TMEM176A: variants seen among roughly 807,000 people sequenced by gnomAD.
TMEM176A encodes transmembrane protein 176A.
A neutral mutation model predicts 27.9 loss-of-function variants in TMEM176A; 20 were observed. The observed-to-expected ratio is 0.72, with a 90% CI of 0.50 to 1.04. TMEM176A has a LOEUF of 1.04. TMEM176A is among the 50% of genes least tolerant of loss of function. The probability of loss-of-function intolerance (pLI) is 0.00; values close to 1 mark genes in which losing one functional copy is unlikely to be tolerated. For missense variants in TMEM176A, 252 were observed against 289.1 expected, an observed-to-expected ratio of 0.87 and a Z score of 0.93; for synonymous variants, 125 against 118.0, an observed-to-expected ratio of 1.06 and a Z score of -0.38.
At chr7:150,801,257 G>A (rs955366226) in intron 1 of TMEM176A, 4 of 302,586 alleles carry the variant, frequency 1.3e-5, no homozygotes, top group Non-Finnish European at 2.4e-5. Context: ...GCTTGACCCA[G>A]ACGCCAGGGC....
intron 5 of TMEM176A, among the ~76,000 whole-genome samples, 168 bp from the exon 6 acceptor site, chr7:150,804,194 G>A (rs940652530): frequency 1.3e-5 from 2 of 152,212 alleles, no homozygotes; most frequent in African/African-American, 4.8e-5. Flanking sequence ...CCCAATGTGA[G>A]CAGTTTCCAG....
chr7:150,802,383 T>C, intron 3 of TMEM176A, 58 bp downstream of exon 3: 3 of 1,449,796 alleles, frequency 2.1e-6, no homozygotes, highest in East Asian at 2.3e-5. Flanking sequence ...ATTGCTCTCC[T>C]GATTGCCTTC....
chr7:150,801,779 C>T (rs375541671), intron 2 of TMEM176A, 55 bp downstream of exon 2: 14 of 1,419,704 alleles, frequency 9.9e-6, no homozygotes, highest in South Asian at 4.4e-5. Flanking sequence ...CACCTCCAGC[C>T]GCAGCAGCAC....
At position 150,804,987 on chromosome 7, in the gene TMEM176A, G is replaced by C. The variant is rs1044616; in HGVS notation, c.*119G>C. The C allele has an allele frequency of 0.091, 99,466 of 1,097,442 alleles. 5,513 individuals are homozygous for C. The highest frequency in any genetic ancestry group is 0.13 in the Middle Eastern group (475 of 3,580). The allele number at this position is 1,097,442 out of a possible 1,614,324, so 68.0% of individuals were successfully genotyped here. ...CTCTTCAACAGCCCCAGTTATCCTG[G>C]CCCCATGACCGTGGCCACAGCCCTG... is the stretch of plus-strand genomic sequence containing the variant. On this transcript the variant is annotated 3_prime_UTR_variant, in exon 7 of 7. Coordinates refer to ENST00000004103, the MANE Select transcript of TMEM176A (RefSeq NM_018487.3).
chr7:150,801,111 C>A, intron 1 of TMEM176A: 1 of 472,696 alleles, frequency 2.1e-6, no homozygotes, highest in Non-Finnish European at 2.8e-6. Flanking sequence ...CGGAGCGCAG[C>A]CGGGGCGCAG....
chr7:150,803,000 G>C, intron 3 of TMEM176A: 1 of 993,572 alleles, frequency 1.0e-6, no homozygotes. Context: ...GCACTGTTAG[G>C]ACAGGCTTCT....
intron 3 of TMEM176A, chr7:150,802,928 C>T: frequency 1.0e-6 from 1 of 989,160 alleles, no homozygotes; most frequent in Non-Finnish European, 1.2e-6. Flanking sequence ...GATTCAGGTC[C>T]ACCTGTCCAC....
chr7:150,800,943 AG>A, intron 1 of TMEM176A, 115 bp downstream of exon 1: 3 of 985,814 alleles, frequency 3.0e-6, no homozygotes, highest in Non-Finnish European at 3.6e-6. Flanking sequence ...ATGACACTCC[AG>A]GAAGGGGACT....
At chr7:150,801,361 A>AGC in intron 1 of TMEM176A, 175 bp from the exon 2 acceptor site, 1 of 574,908 alleles carries the variant, frequency 1.7e-6, no homozygotes. Flanking sequence ...CATGGTCAGC[A>AGC]CCCCCTCTGC....
rs1162854829 is a variant in TMEM176A, at chr7:150,801,744, TC to T, written c.174+21del. On this transcript the variant is annotated intron_variant, in intron 2 of 6. Transcript: ENST00000004103. ...TCGTGGGTGAGTGTGACGGCCTGCC[TC>T]GTCGGGCGGCGGGAGGAACTCCCCA... is the stretch of plus-strand genomic sequence containing the variant. The T allele has an allele frequency of 6.7e-7, 1 of 1,484,582 alleles. No individual in the cohort carries two copies. The highest frequency in any genetic ancestry group is 8.9e-7 in the Non-Finnish European group (1 of 1,127,554). The allele number at this position is 1,484,582 out of a possible 1,614,324, so 92.0% of individuals were successfully genotyped here.
At chr7:150,801,416 C>A in intron 1 of TMEM176A, 120 bp from the exon 2 acceptor site, 2 of 998,362 alleles carry the variant, frequency 2.0e-6, no homozygotes, top group Non-Finnish European at 3.0e-6. Flanking sequence ...GGCCCTGTGA[C>A]CAGGACAGCC....
intron 2 of TMEM176A, 79 bp downstream of exon 2, chr7:150,801,803 C>G: frequency 7.5e-7 from 1 of 1,332,688 alleles, no homozygotes; most frequent in East Asian, 2.5e-5. Context: ...CTGCCAGCCT[C>G]CCTCTGAACA....
Position 150,801,579 on chromosome 7 carries a change from C to T in TMEM176A, c.29C>T (p.Ala10Val). The T allele has an allele frequency of 6.2e-7, 1 of 1,609,242 alleles. No homozygotes were observed. The highest frequency in any genetic ancestry group is 1.1e-5 in the South Asian group (1 of 90,418). Residue 10 changes from alanine (A) to valine (V), a missense_variant, in exon 2 of 7, where the codon GCC becomes GTC. Physicochemically the swap from Ala to Val is moderately conservative, Grantham distance 64. Transcript: ENST00000004103. MGTADSDEM[A>V]PEAPQHTHID... ...GGAACAGCCGACAGTGATGAGATGG[C>T]CCCGGAGGCCCCACAGCACACCCAC...
chr7:150,803,979 C>A (rs974017769), intron 5 of TMEM176A, 147 bp downstream of exon 5: 1 of 724,312 alleles, frequency 1.4e-6, no homozygotes, highest in Non-Finnish European at 2.2e-6. Context: ...AAGCATCAGA[C>A]AAAATAGAAA....
chr7:150,803,597 C>T, intron 4 of TMEM176A, 23 bp from the exon 5 acceptor site: 2 of 1,612,252 alleles, frequency 1.2e-6, no homozygotes, highest in Non-Finnish European at 1.7e-6. Flanking sequence ...ACAAAGATTT[C>T]TCTCTGCCTC....
chr7:150,800,909 C>A (rs917325001), intron 1 of TMEM176A, 81 bp downstream of exon 1: 1 of 985,624 alleles, frequency 1.0e-6, no homozygotes, highest in Non-Finnish European at 1.2e-6. Flanking sequence ...GTTGGAGGAG[C>A]GTAGGAGGGA....
intron 2 of TMEM176A, 139 bp from the exon 3 acceptor site, chr7:150,802,076 T>TTTTTCTCTTCTC (rs1554407171): frequency 4.3e-5 from 25 of 579,030 alleles, no homozygotes; most frequent in African/African-American, 3.7e-4. Context: ...TTCTTCTCCT[T>TTTTTCTCTTCTC]TTCTCTTCTC....
At position 150,803,848 on chromosome 7, in the gene TMEM176A, G is replaced by T; in HGVS notation, c.555+16G>T. 1 of 1,612,322 alleles carries T rather than the reference G, an allele frequency of 6.2e-7. No individual in the cohort carries two copies. Among genetic ancestry groups the T allele is most frequent in the Non-Finnish European group, 8.5e-7 (1 of 1,179,268 alleles). The stretch of plus-strand genomic sequence containing the variant: ...CATGCTGAAGGTAGGTGGCCAAGGG[G>T]AAGGGGCAGCAGCAGGTGGGGCAGG... On this transcript the variant is annotated intron_variant, in intron 5 of 6. Coordinates refer to ENST00000004103, the MANE Select transcript of TMEM176A (RefSeq NM_018487.3).
chr7:150,804,693 C>T (rs1256384708), intron 6 of TMEM176A, 134 bp from the exon 7 acceptor site: 1 of 1,026,318 alleles, frequency 9.7e-7, no homozygotes, highest in Non-Finnish European at 1.5e-6. Context: ...CAGGGAAGTC[C>T]ATATCCATGC....
Sources: gnomAD v4.1 joint callset for allele counts (sites outside exome capture counted in the v4.1 genomes callset) on GRCh38, gnomAD v4.1.1 for gene constraint, MANE v1.5 for transcripts, NCBI Gene and HGNC (gene_info 2026-07-23, HGNC 2026-07-21) for gene names.